Variants in OPCML observed in about 807,000 individuals in gnomAD.
OPCML encodes the protein opioid-binding protein/cell adhesion molecule.
OPCML carries 13 observed loss-of-function variants against 37.8 expected under a neutral mutation model. That is an observed-to-expected ratio of 0.34 (90% CI 0.22 to 0.55). The LOEUF (loss-of-function observed/expected upper bound fraction) is 0.55. OPCML is among the 20% of genes least tolerant of loss of function. OPCML has a pLI of 0.91. For missense variants in OPCML, 341 were observed against 435.6 expected (o/e 0.78, Z 1.93); for synonymous variants, 176 against 168.8 (o/e 1.04, Z -0.33).
intron 2 of OPCML, 100 bp downstream of exon 2, chr11:132,942,826 C>G: frequency 1.3e-6 from 2 of 1,484,886 alleles, no homozygotes; most frequent in Non-Finnish European, 1.8e-6. Context: ...AAGGCCCACT[C>G]GCGTTCCGGT....
intron 2 of OPCML, among the ~76,000 whole-genome samples, chr11:132,688,307 A>G (rs1475987913): frequency 6.6e-6 from 1 of 152,158 alleles, no homozygotes; most frequent in African/African-American, 2.4e-5. Context: ...TTCATCACTC[A>G]TGCTCTTTGA....
chr11:133,480,188 A>G (rs748571337), intron 1 of OPCML, among the ~76,000 whole-genome samples: 5 of 152,106 alleles, frequency 3.3e-5, no homozygotes, highest in Non-Finnish European at 7.4e-5. Context: ...CTACATCTAC[A>G]GCTAACCCAT....
intron 4 of OPCML, among the ~76,000 whole-genome samples, chr11:132,451,389 G>C (rs1030362755): frequency 5.9e-5 from 9 of 151,746 alleles, no homozygotes; most frequent in Non-Finnish European, 7.4e-5. Context: ...GGGCGGGGGT[G>C]GGGGCGCAGA....
intron 1 of OPCML, among the ~76,000 whole-genome samples, chr11:133,074,562 T>C (rs2137016438): frequency 6.6e-6 from 1 of 152,260 alleles, no homozygotes; most frequent in South Asian, 2.1e-4. Context: ...TCAGAGGTCC[T>C]TGAGGTTGGC....
intron 1 of OPCML, among the ~76,000 whole-genome samples, chr11:133,204,948 G>C (rs1013177902): frequency 8.8e-5 from 12 of 135,700 alleles, no homozygotes; most frequent in African/African-American, 3.2e-4. Context: ...CTCTTTCTTG[G>C]AACACTGCTC....
chr11:133,432,428 T>G (rs767590195), intron 1 of OPCML, among the ~76,000 whole-genome samples: 2 of 152,102 alleles, frequency 1.3e-5, no homozygotes, highest in Non-Finnish European at 1.5e-5. Flanking sequence ...CAGGCTGGAG[T>G]GCAGTAGTGT....
intron 1 of OPCML, among the ~76,000 whole-genome samples, chr11:133,214,556 T>A (rs1939506997): frequency 6.6e-6 from 1 of 152,246 alleles, no homozygotes; most frequent in Non-Finnish European, 1.5e-5. Context: ...ACTGGTATTT[T>A]AAGGCAAATT....
At chr11:133,061,482 A>G (rs1948340096) in intron 1 of OPCML, among the ~76,000 whole-genome samples, 1 of 152,204 alleles carries the variant, frequency 6.6e-6, no homozygotes, top group Admixed American at 6.5e-5. Context: ...TCCTTGTGGG[A>G]CTAAATTGCA....
At chr11:132,478,960 AT>A (rs1000133036) in intron 4 of OPCML, among the ~76,000 whole-genome samples, 1 of 151,432 alleles carries the variant, frequency 6.6e-6, no homozygotes, top group Non-Finnish European at 1.5e-5. Flanking sequence ...ATGTTCAGGC[AT>A]TTTTTTTTCA....
intron 2 of OPCML, among the ~76,000 whole-genome samples, chr11:132,799,635 A>G (rs917034982): frequency 6.6e-6 from 1 of 152,140 alleles, no homozygotes; most frequent in African/African-American, 2.4e-5. Flanking sequence ...AGAATTAATA[A>G]TATGTGGCAC....
chr11:133,331,290 G>A (rs1329806190), intron 1 of OPCML, among the ~76,000 whole-genome samples: 1 of 152,136 alleles, frequency 6.6e-6, no homozygotes, highest in Non-Finnish European at 1.5e-5. Flanking sequence ...GCTGTGACTT[G>A]ACCCATGTCT....
chr11:132,672,864 C>T (rs1942534602), intron 2 of OPCML, among the ~76,000 whole-genome samples: 1 of 152,120 alleles, frequency 6.6e-6, no homozygotes, highest in African/African-American at 2.4e-5. Context: ...TAGGGGCCAA[C>T]ATATTGAGAT....
chr11:133,491,334 TTCCAC>T (rs1246613721), intron 1 of OPCML, among the ~76,000 whole-genome samples: 2 of 152,130 alleles, frequency 1.3e-5, no homozygotes, highest in Non-Finnish European at 2.9e-5. Context: ...AAATGTCTCT[TTCCAC>T]TCATTTTTGG....
At chr11:132,626,867 T>C (rs1939778721) in intron 3 of OPCML, among the ~76,000 whole-genome samples, 1 of 141,018 alleles carries the variant, frequency 7.1e-6, no homozygotes. Context: ...TCTATATATA[T>C]AGACACACAC....
At chr11:133,344,987 C>G (rs547103077) in intron 1 of OPCML, among the ~76,000 whole-genome samples, 1 of 152,182 alleles carries the variant, frequency 6.6e-6, no homozygotes, top group Non-Finnish European at 1.5e-5. Context: ...GTGATTACAG[C>G]CTTAGGCTCT....
chr11:132,712,774 C>G (rs1358808470), intron 2 of OPCML, among the ~76,000 whole-genome samples: 4 of 152,146 alleles, frequency 2.6e-5, no homozygotes, highest in African/African-American at 9.7e-5. Flanking sequence ...AGTTTTGAGG[C>G]AGAGCTCTGG....
intron 1 of OPCML, among the ~76,000 whole-genome samples, chr11:133,508,987 T>A (rs552907972): frequency 1.7e-4 from 26 of 151,772 alleles, no homozygotes; most frequent in Admixed American, 8.5e-4. Flanking sequence ...TTTTTTTTTT[T>A]AAATTTAAAT....
At chr11:132,649,949 A>T (rs1001927134) in intron 3 of OPCML, among the ~76,000 whole-genome samples, 1 of 151,826 alleles carries the variant, frequency 6.6e-6, no homozygotes, top group Admixed American at 6.6e-5. Flanking sequence ...ACACACACAC[A>T]CACAGTTTTC....
In OPCML at chr11:132,520,674, A is replaced by ATATATATATGTGTGTG. The variant is rs10630619; in HGVS notation, c.505+8386_505+8387insCACACACATATATATA. Among the ~76,000 whole-genome samples, 82 of 128,092 alleles carry ATATATATATGTGTGTG rather than the reference A, an allele frequency of 6.4e-4. 1 individual carries two copies. Among genetic ancestry groups the ATATATATATGTGTGTG allele is most frequent in the Admixed American group, 2.0e-3 (26 of 12,974 alleles). The allele number at this position is 128,092 out of a possible 152,430, so 84.0% of individuals were successfully genotyped here. A position where few individuals can be genotyped will look rare whatever the true frequency, so the allele number is the denominator to read the frequency against. ...TGTCATCTTATGTAACTAAATATAT[A>ATATATATATGTGTGTG]TGTGTGTGTGTGTGTGTGTGTGTGT... On this transcript the variant is annotated intron_variant, in intron 4 of 7. Coordinates refer to ENST00000524381, the MANE Select transcript of OPCML (RefSeq NM_001012393.5).
Sources: allele counts gnomAD v4.1 joint callset (sites outside exome capture counted in the v4.1 genomes callset), GRCh38; gene constraint gnomAD v4.1.1; transcripts MANE v1.5; gene names NCBI Gene and HGNC (gene_info 2026-07-23, HGNC 2026-07-21).